TTLL8: variants seen among roughly 807,000 people sequenced by gnomAD.
The protein encoded by TTLL8 is tubulin tyrosine ligase like 8.
TTLL8 carries 65 observed loss-of-function variants against 77.8 expected under a neutral mutation model. That is an observed-to-expected ratio of 0.84 (90% confidence interval 0.68 to 1.03). The LOEUF is 1.03. Ranked by LOEUF, TTLL8 falls within the 50% of genes least tolerant of loss-of-function variation. TTLL8 has a pLI of 0.00. For synonymous variants in TTLL8, 402 were observed against 422.8 expected (o/e 0.95, Z 0.60); for missense variants, 910 against 1,004.5 (o/e 0.91, Z 1.27).
upstream of TTLL8, among the ~76,000 whole-genome samples, chr22:50,057,611 G>GAGGTCTGGGGTGGGGTC (rs2061488682): frequency 2.8e-5 from 1 of 35,230 alleles, no homozygotes; most frequent in Non-Finnish European, 4.4e-5. Flanking sequence ...GGTTGAGCGG[G>GAGGTCTGGGGTGGGGTC]AGGTCTGGGT....
chr22:50,057,531 G>A (rs1316633514), upstream of TTLL8, among the ~76,000 whole-genome samples: 28 of 110,872 alleles, frequency 2.5e-4, no homozygotes, highest in Non-Finnish European at 3.6e-4. Context: ...TCAGGTCTGG[G>A]TTGAGCGGGA....
Position 50,027,560 on chromosome 22 carries a change from G to A in TTLL8, c.2203+2870C>T, listed in dbSNP as rs1031808036. 94 of 799,766 alleles carry A rather than the reference G, an allele frequency of 1.2e-4. 2 individuals carry two copies. The highest frequency in any genetic ancestry group is 1.3e-4 in the Non-Finnish European group (86 of 664,654). 49.5% of individuals were successfully genotyped at this position (799,766 alleles called of 1,614,324 possible). ...AAAAAAAAAAAAAAAAAGGATGTCC[G>A]TTCTCCCCAAGATCTGCAGATTCAA... On this transcript the variant is annotated intron_variant, in intron 12 of 13. Coordinates refer to ENST00000266182, the Ensembl canonical transcript of TTLL8.
upstream of TTLL8, chr22:50,057,059 G>A (rs1161305401): frequency 4.1e-6 from 4 of 975,578 alleles, no homozygotes; most frequent in East Asian, 1.8e-4. Flanking sequence ...CCCAAGCTGA[G>A]GGTCAGGTCT....
intron 6 of TTLL8, among the ~76,000 whole-genome samples, chr22:50,043,934 G>C (rs2061392351): frequency 6.6e-6 from 1 of 152,154 alleles, no homozygotes; most frequent in Non-Finnish European, 1.5e-5. Flanking sequence ...TACTGGAATG[G>C]TGGATACACG....
At chr22:50,050,122 G>T (rs566585041) in exon 2 of TTLL8, 19 of 1,366,912 alleles carry the variant, frequency 1.4e-5, no homozygotes, top group Middle Eastern at 2.1e-4. Flanking sequence ...TGACCCGGGC[G>T]CCTTCATCCT....
intron 12 of TTLL8, among the ~76,000 whole-genome samples, chr22:50,020,284 C>G (rs1052663378): frequency 6.6e-6 from 1 of 150,402 alleles, no homozygotes; most frequent in Non-Finnish European, 1.5e-5. Flanking sequence ...ACTCCTCCAT[C>G]TGATGTGCAC....
chr22:50,036,599 T>A (rs1035101175), intron 8 of TTLL8, among the ~76,000 whole-genome samples: 1 of 149,124 alleles, frequency 6.7e-6, no homozygotes, highest in Non-Finnish European at 1.5e-5. Context: ...TTTCTTTTCT[T>A]TTCTTTTTTT....
At chr22:50,051,241 C>T (rs749441495) in intron 1 of TTLL8, among the ~76,000 whole-genome samples, 56 of 152,270 alleles carry the variant, frequency 3.7e-4, no homozygotes, top group Non-Finnish European at 5.6e-4. Context: ...ATTCTTATGC[C>T]TTTGCATCCT....
rs1221969612 is a variant in TTLL8, at chr22:50,041,874, G to A, written c.644-67C>T. On this transcript the variant is annotated intron_variant, in intron 6 of 13. Transcript: ENST00000266182. The surrounding 1 kb of genome is among the most constrained non-coding windows in gnomAD (Gnocchi z 4.3). The stretch of plus-strand genomic sequence containing the variant: ...AGGGGCAGCCCTGCCCGCCTCGAGG[G>A]GTGATGTCTAAAGTCATGGACAAAG... 7.9e-7 allele frequency: 1 copy of A among 1,271,268 alleles called. No individual in the cohort carries two copies. Among genetic ancestry groups the A allele is most frequent in the Non-Finnish European group, 1.0e-6 (1 of 974,112 alleles). The allele number at this position is 1,271,268 out of a possible 1,614,324, so 78.7% of individuals were successfully genotyped here. A position where few individuals can be genotyped will look rare whatever the true frequency, so the allele number is the denominator to read the frequency against.
At chr22:50,025,280 C>CAAAAAAAAAAAAAAAAAA (rs111507174) in intron 12 of TTLL8, among the ~76,000 whole-genome samples, 1 of 126,162 alleles carries the variant, frequency 7.9e-6, no homozygotes. Context: ...GCAAAAACTC[C>CAAAAAAAAAAAAAAAAAA]AAAAAAAAAA....
upstream of TTLL8, among the ~76,000 whole-genome samples, chr22:50,057,153 G>GGTCAGGTCTGGATATGGGA (rs2061475370): frequency 2.0e-5 from 2 of 97,810 alleles, no homozygotes; most frequent in African/African-American, 1.1e-4. Flanking sequence ...TCTGAGTTGG[G>GGTCAGGTCTGGATATGGGA]GTCAGGTCTG....
chr22:50,030,878 C>G, exon 12 of TTLL8: 1 of 1,327,192 alleles, frequency 7.5e-7, no homozygotes, highest in Non-Finnish European at 9.9e-7. Flanking sequence ...CACTGACGCC[C>G]GCCACGCAGA....
At chr22:50,054,131 G>T (rs1601940940) in intron 1 of TTLL8, among the ~76,000 whole-genome samples, 1 of 152,228 alleles carries the variant, frequency 6.6e-6, no homozygotes, top group African/African-American at 2.4e-5. Context: ...TTAAGGGAAT[G>T]CAGATGTTTT....
chr22:50,029,591 C>T (rs759670304), intron 12 of TTLL8, among the ~76,000 whole-genome samples: 7 of 152,122 alleles, frequency 4.6e-5, no homozygotes, highest in East Asian at 3.9e-4. Context: ...ATTAGCCGGG[C>T]GCGGTGGCGG....
intron 3 of TTLL8, among the ~76,000 whole-genome samples, chr22:50,048,457 G>A (rs559561396): frequency 3.3e-5 from 5 of 152,030 alleles, no homozygotes; most frequent in Non-Finnish European, 5.9e-5. Flanking sequence ...GAAGCCAGCC[G>A]TCCATGAAGC....
At chr22:50,045,633 C>T (rs968560750) in intron 5 of TTLL8, among the ~76,000 whole-genome samples, 1 of 152,198 alleles carries the variant, frequency 6.6e-6, no homozygotes, top group Admixed American at 6.5e-5. Context: ...AGCTGCTCGC[C>T]GCGCTGTCCA....
chr22:50,032,114 A>C lies in TTLL8; in HGVS notation c.1284-5T>G. On this transcript the variant is annotated splice_region_variant and splice_polypyrimidine_tract_variant and intron_variant, in intron 10 of 13. Transcript: ENST00000266182. ...TTGTTGCACAGGTGGATGGCGCTGC[A>C]GGGGGGACGAGGGGCAGGTGCTCAG... The C allele has an allele frequency of 7.4e-7, 1 of 1,348,308 alleles. No homozygotes were observed. The highest frequency in any genetic ancestry group is 9.9e-7 in the Non-Finnish European group (1 of 1,011,386). 83.5% of individuals were successfully genotyped at this position (1,348,308 alleles called of 1,614,324 possible).
At chr22:50,029,892 G>A (rs1024592671) in intron 12 of TTLL8, among the ~76,000 whole-genome samples, 2 of 152,038 alleles carry the variant, frequency 1.3e-5, no homozygotes, top group African/African-American at 4.8e-5. Flanking sequence ...GTCCTTCTCC[G>A]CGACTCTGAG....
At chr22:50,046,062 T>G in intron 4 of TTLL8, 92 bp from the exon 7 acceptor site, 1 of 1,175,760 alleles carries the variant, frequency 8.5e-7, no homozygotes, top group Non-Finnish European at 1.1e-6. Flanking sequence ...ACCTCAGACT[T>G]GCCTGGCTAT....
Sources: allele counts gnomAD v4.1 joint callset (sites outside exome capture counted in the v4.1 genomes callset), GRCh38; gene constraint gnomAD v4.1.1; non-coding constraint Gnocchi (gnomAD v3.1); transcripts MANE v1.5; gene names NCBI Gene and HGNC (gene_info 2026-07-23, HGNC 2026-07-21).